TMEM232: variants seen among roughly 807,000 people sequenced by gnomAD.
The protein encoded by TMEM232 is transmembrane protein 232.
Under a neutral mutation model 78.8 loss-of-function variants are expected in TMEM232, and 80 were observed. The observed-to-expected ratio is 1.01, with a 90% confidence interval of 0.85 to 1.22. The LOEUF (loss-of-function observed/expected upper bound fraction) is 1.22. Ranked by LOEUF, TMEM232 falls within the 50% of genes most tolerant of loss-of-function variation. The probability of loss-of-function intolerance (pLI) is 0.00; values close to 1 mark genes in which losing one functional copy is unlikely to be tolerated. For synonymous variants in TMEM232, 297 were observed against 254.3 expected, an observed-to-expected ratio of 1.17 and a Z score of -1.60; for missense variants, 881 against 742.2, an observed-to-expected ratio of 1.19 and a Z score of -2.17.
At chr5:110,389,444 A>G (rs987470976) in intron 4 of TMEM232, among the ~76,000 whole-genome samples, 2 of 152,236 alleles carry the variant, frequency 1.3e-5, no homozygotes, top group Admixed American at 1.3e-4. Flanking sequence ...GTGGCTGAGC[A>G]AAGAACTCAC....
At chr5:110,389,422 C>A (rs1445121841) in intron 4 of TMEM232, among the ~76,000 whole-genome samples, 3 of 152,116 alleles carry the variant, frequency 2.0e-5, no homozygotes, top group East Asian at 1.9e-4. Flanking sequence ...CTGGCAAAAA[C>A]CAAATTAATG....
intron 11 of TMEM232, among the ~76,000 whole-genome samples, chr5:110,531,849 G>A (rs10040484): frequency 0.043 from 6,510 of 152,142 alleles, 457 homozygotes; most frequent in African/African-American, 0.15. Context: ...TCAAAAGGCC[G>A]TCTTATTCTC....
intron 12 of TMEM232, among the ~76,000 whole-genome samples, chr5:110,453,158 A>G (rs1036626441): frequency 6.6e-6 from 1 of 152,158 alleles, no homozygotes; most frequent in African/African-American, 2.4e-5. Context: ...AAATGACTTT[A>G]TAACTTATTT....
At chr5:110,397,204 G>C (rs565575967) in intron 3 of TMEM232, among the ~76,000 whole-genome samples, 44 of 152,194 alleles carry the variant, frequency 2.9e-4, no homozygotes, top group African/African-American at 9.9e-4. Context: ...AAGCACCTGA[G>C]TCAACTTGAT....
intron 1 of TMEM232, among the ~76,000 whole-genome samples, chr5:110,692,379 C>A (rs1222988148): frequency 6.6e-6 from 1 of 152,210 alleles, no homozygotes; most frequent in Non-Finnish European, 1.5e-5. Flanking sequence ...GTGAGCAACG[C>A]AGAAGATGGG....
chr5:110,478,676 G>A (rs966335127), intron 12 of TMEM232, among the ~76,000 whole-genome samples: 1 of 151,792 alleles, frequency 6.6e-6, no homozygotes, highest in African/African-American at 2.4e-5. Context: ...TTGAAATTCT[G>A]TATGTACAGC....
chr5:110,446,136 C>T (rs2112792292), intron 12 of TMEM232, among the ~76,000 whole-genome samples: 1 of 152,176 alleles, frequency 6.6e-6, no homozygotes, highest in South Asian at 2.1e-4. Context: ...TTGTCCAGGA[C>T]AAAGACATCA....
intron 2 of TMEM232, among the ~76,000 whole-genome samples, chr5:110,658,563 C>G (rs1580541024): frequency 6.6e-6 from 1 of 152,202 alleles, no homozygotes; most frequent in South Asian, 2.1e-4. Flanking sequence ...GAATAAAAAC[C>G]TACTTCCTTT....
intron 1 of TMEM232, among the ~76,000 whole-genome samples, chr5:110,712,713 A>C (rs1011438678): frequency 1.3e-5 from 2 of 152,152 alleles, no homozygotes; most frequent in Non-Finnish European, 2.9e-5. Flanking sequence ...AGGAGATACA[A>C]TGTCACCCAT....
intron 12 of TMEM232, among the ~76,000 whole-genome samples, chr5:110,522,398 G>A (rs1561618674): frequency 6.6e-6 from 1 of 152,030 alleles, no homozygotes; most frequent in South Asian, 2.1e-4. Flanking sequence ...GTTCTGATAT[G>A]GATGCCTTTT....
chr5:110,632,141 T>A (rs74513959), intron 5 of TMEM232, among the ~76,000 whole-genome samples: 4,380 of 152,196 alleles, frequency 0.029, 170 homozygotes, highest in African/African-American at 0.089. Context: ...CCACTGATGC[T>A]GTTTACAGCC....
At chr5:110,426,723 T>C (rs758370591) in intron 12 of TMEM232, among the ~76,000 whole-genome samples, 2 of 151,924 alleles carry the variant, frequency 1.3e-5, no homozygotes, top group Non-Finnish European at 2.9e-5. Flanking sequence ...AGCCATTCTA[T>C]TAAAGTACTG....
chr5:110,528,775 C>T lies in TMEM232; in HGVS notation c.1516G>A (p.Val506Ile). 1.3e-6 allele frequency: 2 copies of T among 1,533,004 alleles called. No individual in the cohort carries two copies. Among genetic ancestry groups the T allele is most frequent in the African/African-American group, 1.4e-5 (1 of 73,024 alleles). 95.0% of individuals were successfully genotyped at this position (1,533,004 alleles called of 1,614,324 possible). The change falls in exon 12 of 14, where the codon GTA (valine) becomes ATA (isoleucine). Residue 506 changes from valine (V) to isoleucine (I), a missense_variant. Physicochemically the swap from Val to Ile is conservative, Grantham distance 29 (BLOSUM62 3). Transcript: ENST00000455884. ...TATTTGGAGAAAACTTCTTCTCCTA[C>T]ATTTGATGAAATATTTGTACTATAT... Reference protein sequence around the residue: ...TRYSTNISSNVGEEVFSKYIG... With the variant: ...TRYSTNISSNIGEEVFSKYIG...
At chr5:110,521,481 GT>G (rs1298078801) in intron 12 of TMEM232, among the ~76,000 whole-genome samples, 2 of 152,106 alleles carry the variant, frequency 1.3e-5, no homozygotes, top group Non-Finnish European at 2.9e-5. Context: ...TAGTCTAATT[GT>G]TTTTGTCACC....
At chr5:110,557,765 T>C (rs1331488488) in intron 11 of TMEM232, among the ~76,000 whole-genome samples, 1 of 152,126 alleles carries the variant, frequency 6.6e-6, no homozygotes, top group Non-Finnish European at 1.5e-5. Flanking sequence ...ATCTCTTCCA[T>C]TATCCAATCA....
intron 12 of TMEM232, among the ~76,000 whole-genome samples, chr5:110,499,429 A>T (rs1765978003): frequency 1.3e-5 from 2 of 152,026 alleles, no homozygotes; most frequent in Admixed American, 6.6e-5. Context: ...TCTTTTAAAA[A>T]TTTTATTTGT....
chr5:110,712,296 A>G (rs1188755732), intron 1 of TMEM232, among the ~76,000 whole-genome samples: 3 of 151,802 alleles, frequency 2.0e-5, no homozygotes, highest in Non-Finnish European at 4.4e-5. Context: ...AAAACAATCA[A>G]CAAAGAGACC....
At chr5:110,408,411 G>A (rs1755872511) in intron 2 of TMEM232, among the ~76,000 whole-genome samples, 2 of 152,196 alleles carry the variant, frequency 1.3e-5, no homozygotes, top group Middle Eastern at 3.4e-3. Flanking sequence ...GGCCAATCTG[G>A]TGAAACCCAG....
intron 12 of TMEM232, among the ~76,000 whole-genome samples, chr5:110,505,161 G>T (rs1766724199): frequency 6.6e-6 from 1 of 152,160 alleles, no homozygotes; most frequent in Admixed American, 6.6e-5. Flanking sequence ...ACTCCTGAGT[G>T]AACTTAGGAC....
Sources: allele counts gnomAD v4.1 joint callset (sites outside exome capture counted in the v4.1 genomes callset), GRCh38; gene constraint gnomAD v4.1.1; transcripts MANE v1.5; gene names NCBI Gene and HGNC (gene_info 2026-07-23, HGNC 2026-07-21).